Variants in BAZ2B observed in about 807,000 individuals in gnomAD.
BAZ2B encodes the protein bromodomain adjacent to zinc finger domain 2B, also known as bromodomain adjacent to zinc finger domain protein 2B.
A neutral mutation model predicts 246.0 loss-of-function variants in BAZ2B; 91 were observed. The observed-to-expected ratio is 0.37, with a 90% CI of 0.31 to 0.44. BAZ2B has a LOEUF of 0.44. Among genes scored for constraint, BAZ2B ranks in the 20% least tolerant of loss-of-function variants. BAZ2B has a pLI of 1.00. For missense variants in BAZ2B, 2,332 were observed against 2,533.7 expected, an observed-to-expected ratio of 0.92 and a Z score of 1.71; for synonymous variants, 855 against 860.0, an observed-to-expected ratio of 0.99 and a Z score of 0.10.
chr2:159,429,285 T>C (rs1193500224), intron 10 of BAZ2B, 25 bp from the exon 11 acceptor site: 1 of 1,387,724 alleles, frequency 7.2e-7, no homozygotes, highest in Non-Finnish European at 9.8e-7. Flanking sequence ...AATTGGTTAA[T>C]ATAAAACATT....
chr2:159,462,879 C>T, intron 3 of BAZ2B: 1 of 1,604,234 alleles, frequency 6.2e-7, no homozygotes. Context: ...TCTTAAAGCA[C>T]TGTCACAGGA....
At chr2:159,447,462 T>A (rs78707834) in intron 5 of BAZ2B, among the ~76,000 whole-genome samples, 1 of 152,154 alleles carries the variant, frequency 6.6e-6, no homozygotes, top group Admixed American at 6.5e-5. Flanking sequence ...AAAAGAAAGA[T>A]AGTAAATCAT....
At chr2:159,667,784 G>A in the BAZ2B span, among the ~76,000 whole-genome samples, 1 of 151,900 alleles carries the variant, frequency 6.6e-6, no homozygotes, top group East Asian at 1.9e-4. Context: ...ATAACAAATA[G>A]TTATGATTAT....
chr2:159,412,748 A>G (rs370072948), intron 13 of BAZ2B, among the ~76,000 whole-genome samples: 2 of 152,330 alleles, frequency 1.3e-5, no homozygotes, highest in African/African-American at 2.4e-5. Flanking sequence ...TCTTACTTTA[A>G]TGACTTAAGC....
At chr2:159,391,216 C>A (rs1180264118) in intron 20 of BAZ2B, among the ~76,000 whole-genome samples, 1 of 152,064 alleles carries the variant, frequency 6.6e-6, no homozygotes, top group African/African-American at 2.4e-5. Flanking sequence ...AAAGTAGATA[C>A]TGTAAAATTT....
chr2:159,318,624 TG>T (rs1191924110), downstream of BAZ2B, among the ~76,000 whole-genome samples: 1 of 152,252 alleles, frequency 6.6e-6, no homozygotes, highest in Non-Finnish European at 1.5e-5. Context: ...GAGAAATACA[TG>T]TCTTATTAGA....
At chr2:159,633,441 T>C in the BAZ2B span, among the ~76,000 whole-genome samples, 1 of 152,230 alleles carries the variant, frequency 6.6e-6, no homozygotes, top group Admixed American at 6.5e-5. Context: ...AGAGGCCACC[T>C]GACAGTGATT....
intron 1 of BAZ2B, among the ~76,000 whole-genome samples, chr2:159,585,815 C>A (rs1687894408): frequency 6.6e-6 from 1 of 152,252 alleles, no homozygotes; most frequent in Non-Finnish European, 1.5e-5. Flanking sequence ...GCCAGCCAGA[C>A]TGCTTTCAAG....
downstream of BAZ2B, among the ~76,000 whole-genome samples, chr2:159,316,811 C>T (rs991649133): frequency 2.0e-5 from 3 of 151,220 alleles, no homozygotes; most frequent in Non-Finnish European, 2.9e-5. Context: ...AACAGCCTGG[C>T]CAATATAGTG....
In BAZ2B at chr2:159,341,718, T is replaced by C. The variant is rs535266698; in HGVS notation, c.5455-3946A>G. Among the ~76,000 whole-genome samples, 4 of 152,242 alleles carry C rather than the reference T, an allele frequency of 2.6e-5. No homozygotes were observed. The South Asian group carries it at 8.3e-4, about 32-fold the overall frequency. ...CTATAAATCAGTAACAAGAGGAACA[T>C]TTAAAACCATACAAATACATGAAAT... On this transcript the variant is annotated intron_variant, in intron 31 of 36. Transcript: ENST00000392783.
intron 27 of BAZ2B, among the ~76,000 whole-genome samples, chr2:159,352,119 C>T (rs1047197645): frequency 6.6e-6 from 1 of 152,216 alleles, no homozygotes; most frequent in African/African-American, 2.4e-5. Flanking sequence ...ACCACCTCTG[C>T]ACCACTCTTG....
At chr2:159,672,119 A>G in the BAZ2B span, among the ~76,000 whole-genome samples, 69,442 of 151,998 alleles carry the variant, frequency 0.46, 16,722 homozygotes, top group Middle Eastern at 0.64. Context: ...TTCCATATAA[A>G]CATTCTAAAC....
intron 14 of BAZ2B, among the ~76,000 whole-genome samples, chr2:159,410,296 A>G (rs142335519): frequency 6.6e-6 from 1 of 152,234 alleles, no homozygotes; most frequent in African/African-American, 2.4e-5. Context: ...AAATAAAAAA[A>G]TCTGACTACC....
the BAZ2B span, among the ~76,000 whole-genome samples, chr2:159,661,151 G>A: frequency 6.6e-6 from 1 of 152,004 alleles, no homozygotes; most frequent in African/African-American, 2.4e-5. Flanking sequence ...CTAGAGATTT[G>A]TCTATTTTGT....
intron 31 of BAZ2B, among the ~76,000 whole-genome samples, chr2:159,343,101 G>T (rs1372447276): frequency 6.6e-6 from 1 of 152,152 alleles, no homozygotes; most frequent in African/African-American, 2.4e-5. Flanking sequence ...AGAAAACCCA[G>T]AAATTAATCC....
the BAZ2B span, among the ~76,000 whole-genome samples, chr2:159,711,548 C>T: frequency 6.6e-6 from 1 of 151,982 alleles, no homozygotes; most frequent in Non-Finnish European, 1.5e-5. Flanking sequence ...AATACCTTAA[C>T]AAAATAGGTC....
intron 20 of BAZ2B, among the ~76,000 whole-genome samples, chr2:159,394,908 A>G (rs993035360): frequency 1.4e-4 from 22 of 152,338 alleles, no homozygotes; most frequent in Middle Eastern, 3.4e-3. Context: ...CACAGGTTTC[A>G]AAACAATACA....
intron 1 of BAZ2B, among the ~76,000 whole-genome samples, chr2:159,613,762 G>A (rs1055101987): frequency 2.6e-4 from 39 of 152,112 alleles, no homozygotes; most frequent in African/African-American, 9.4e-4. Flanking sequence ...AGAACCATCT[G>A]TTCTATGTGC....
intron 2 of BAZ2B, chr2:159,555,375 G>C (rs1350422024): frequency 2.0e-5 from 3 of 152,018 alleles, no homozygotes; most frequent in Non-Finnish European, 4.4e-5. Flanking sequence ...ACAGGCGTGA[G>C]CCACCGCGCC....
Sources: allele counts gnomAD v4.1 joint callset (sites outside exome capture counted in the v4.1 genomes callset), GRCh38; gene constraint gnomAD v4.1.1; transcripts MANE v1.5; gene names NCBI Gene and HGNC (gene_info 2026-07-23, HGNC 2026-07-21).